The following UPRT variants were observed in gnomAD, a reference collection of about 807,000 sequenced individuals.
The protein encoded by UPRT is uracil phosphoribosyltransferase homolog.
Under a neutral mutation model 22.6 loss-of-function variants are expected in UPRT, and 5 were observed. That is an observed-to-expected ratio of 0.22 (90% CI 0.12 to 0.47). UPRT has a LOEUF of 0.47. Ranked by LOEUF, UPRT falls within the 20% of genes least tolerant of loss-of-function variation. The pLI is 0.99. For missense variants in UPRT, 181 were observed against 239.9 expected (o/e 0.75, Z 1.62); for synonymous variants, 77 against 87.7 (o/e 0.88, Z 0.68).
intron 4 of UPRT, among the ~76,000 whole-genome samples, chrX:75,251,961 A>T (rs1391186121): frequency 8.9e-6 from 1 of 111,835 alleles, no homozygotes; most frequent in African/African-American, 3.3e-5. Flanking sequence ...AGCAATGGGG[A>T]AAGGATTCCC....
At chrX:75,246,714 C>A (rs1054400041) in intron 4 of UPRT, among the ~76,000 whole-genome samples, 3 of 111,489 alleles carry the variant, frequency 2.7e-5, no homozygotes, top group Non-Finnish European at 5.7e-5. Context: ...AGTTTACAGT[C>A]CCACCAACAG....
chrX:75,237,863 G>T (rs1258937379), intron 4 of UPRT, among the ~76,000 whole-genome samples: 1 of 107,641 alleles, frequency 9.3e-6, no homozygotes, highest in Non-Finnish European at 1.9e-5. Context: ...ACGAGTTAGT[G>T]GGTGCAGCGC....
At chrX:75,240,157 A>G (rs1336717844) in intron 4 of UPRT, among the ~76,000 whole-genome samples, 1 of 111,002 alleles carries the variant, frequency 9.0e-6, no homozygotes, top group African/African-American at 3.3e-5. Flanking sequence ...AAATCAAACT[A>G]TTGCTGTTTG....
chrX:75,302,950 A>C (rs745842709), intron 6 of UPRT, among the ~76,000 whole-genome samples: 35 of 110,243 alleles, frequency 3.2e-4, no homozygotes, highest in Non-Finnish European at 5.1e-4. Context: ...CGTGTGGCCC[A>C]GGCTGGTCTC....
intron 4 of UPRT, among the ~76,000 whole-genome samples, chrX:75,235,558 G>A (rs2082458701): frequency 9.0e-6 from 1 of 111,574 alleles, no homozygotes; most frequent in African/African-American, 3.3e-5. Flanking sequence ...ATAAAATACT[G>A]GCAAACCGAA....
At chrX:75,160,464 G>T (rs1474236223) in intron 1 of UPRT, among the ~76,000 whole-genome samples, 3 of 111,739 alleles carry the variant, frequency 2.7e-5, no homozygotes, top group African/African-American at 9.8e-5. Flanking sequence ...AAAATAAGGT[G>T]CATTGCATAA....
At chrX:75,233,516 A>G (rs2082447506) in intron 4 of UPRT, among the ~76,000 whole-genome samples, 1 of 110,578 alleles carries the variant, frequency 9.0e-6, no homozygotes, top group Non-Finnish European at 1.9e-5. Context: ...GAAGGAAAAA[A>G]TGTGAAGGGC....
chrX:75,253,058 G>A (rs1385171606), intron 4 of UPRT, among the ~76,000 whole-genome samples: 1 of 110,757 alleles, frequency 9.0e-6, no homozygotes, highest in East Asian at 2.8e-4. Flanking sequence ...TGGAGGAGGG[G>A]GGAGGGATAG....
intron 1 of UPRT, among the ~76,000 whole-genome samples, chrX:75,158,495 G>T (rs747338699): frequency 9.0e-6 from 1 of 111,701 alleles, no homozygotes; most frequent in Admixed American, 9.5e-5. Context: ...TTATTAATAT[G>T]CCCATATTTA....
At chrX:75,227,074 C>G (rs1349530264) in intron 4 of UPRT, among the ~76,000 whole-genome samples, 1 of 110,814 alleles carries the variant, frequency 9.0e-6, no homozygotes, top group Non-Finnish European at 1.9e-5. Flanking sequence ...ACCTCAGTGC[C>G]CAGTACTGCC....
At chrX:75,176,013 T>C (rs2082245380) in intron 4 of UPRT, among the ~76,000 whole-genome samples, 1 of 111,503 alleles carries the variant, frequency 9.0e-6, no homozygotes. Context: ...AACTTATCTT[T>C]TAGAATCAAT....
chrX:75,265,922 G>A (rs1305735021), intron 4 of UPRT, among the ~76,000 whole-genome samples: 1 of 111,035 alleles, frequency 9.0e-6, no homozygotes, highest in Non-Finnish European at 1.9e-5. Flanking sequence ...TCAAACCACT[G>A]CTCAATGAAA....
chrX:75,183,210 C>G (rs974968318), intron 4 of UPRT, among the ~76,000 whole-genome samples: 4 of 109,858 alleles, frequency 3.6e-5, no homozygotes, highest in African/African-American at 1.3e-4. Context: ...GTGTGATGTT[C>G]CCCTTCCTGT....
At position 75,239,725 on chromosome X, in the gene UPRT, A is replaced by G. The variant is rs150674947; in HGVS notation, c.-446-51299A>G. ...ACAAAATACCAGCTAAATGAATTCA[A>G]CACGATACCACAAAGATAATACATC... On this transcript the variant is annotated intron_variant, in intron 4 of 13. Coordinates refer to the UPRT transcript ENST00000652605. Among the ~76,000 whole-genome samples, 53 of 111,643 alleles carry G rather than the reference A, an allele frequency of 4.7e-4. No individual in the cohort carries two copies. In the East Asian group the frequency reaches 8.7e-3, roughly 18 times the overall value.
chrX:75,221,597 A>G (rs888652081), intron 4 of UPRT, among the ~76,000 whole-genome samples: 35 of 111,596 alleles, frequency 3.1e-4, no homozygotes, highest in African/African-American at 1.1e-3. Context: ...TGGTTGATCA[A>G]TCCTGATGCA....
chrX:75,170,035 C>CTTTTTTTTTTTTTTTT (rs34570333), intron 4 of UPRT, among the ~76,000 whole-genome samples: 1 of 53,417 alleles, frequency 1.9e-5, no homozygotes, highest in Non-Finnish European at 3.9e-5. Flanking sequence ...CGCTCTGTGT[C>CTTTTTTTTTTTTTTTT]TTTTTTTTTT....
intron 4 of UPRT, among the ~76,000 whole-genome samples, chrX:75,237,916 T>C (rs1239711666): frequency 9.1e-6 from 1 of 110,002 alleles, no homozygotes; most frequent in Non-Finnish European, 1.9e-5. Context: ...ACCTGCACAT[T>C]GTGCACATGT....
At chrX:75,260,780 C>A (rs1200278483) in intron 4 of UPRT, among the ~76,000 whole-genome samples, 1 of 111,579 alleles carries the variant, frequency 9.0e-6, no homozygotes, top group African/African-American at 3.3e-5. Context: ...AACTCTCCAC[C>A]CCAAATCAAC....
chrX:75,170,965 T>C (rs1006423034), intron 4 of UPRT, among the ~76,000 whole-genome samples: 14 of 111,825 alleles, frequency 1.3e-4, no homozygotes, highest in Non-Finnish European at 2.6e-4. Context: ...GATTTTCCTT[T>C]ATAGGTTCCC....
Sources: allele counts gnomAD v4.1 joint callset (sites outside exome capture counted in the v4.1 genomes callset), GRCh38; gene constraint gnomAD v4.1.1; transcripts MANE v1.5; gene names NCBI Gene and HGNC (gene_info 2026-07-23, HGNC 2026-07-21).